The following PKD1L1 variants were observed in gnomAD, a reference collection of about 807,000 sequenced individuals.
The protein encoded by PKD1L1 is polycystin-1-like protein 1.
PKD1L1 carries 236 observed loss-of-function variants against 323.4 expected under a neutral mutation model. That is an observed-to-expected ratio of 0.73 (90% CI 0.66 to 0.81). The LOEUF (loss-of-function observed/expected upper bound fraction) is 0.81, where lower values mean the gene tolerates loss of function less well. Among genes scored for constraint, PKD1L1 ranks in the 40% least tolerant of loss-of-function variants. The pLI is 0.00. For missense variants in PKD1L1, 3,320 were observed against 3,508.0 expected, an observed-to-expected ratio of 0.95 and a Z score of 1.35; for synonymous variants, 1,344 against 1,335.0, an observed-to-expected ratio of 1.01 and a Z score of -0.15.
intron 56 of PKD1L1, among the ~76,000 whole-genome samples, chr7:47,792,047 C>T (rs1786962144): frequency 6.6e-6 from 1 of 152,206 alleles, no homozygotes; most frequent in Admixed American, 6.5e-5. Context: ...ACAAAGACGG[C>T]TTCCTGCACG....
chr7:47,879,897 C>T (rs1786498753), intron 21 of PKD1L1, among the ~76,000 whole-genome samples: 1 of 150,146 alleles, frequency 6.7e-6, no homozygotes, highest in South Asian at 2.1e-4. Flanking sequence ...CGGGCCACTG[C>T]ACTCTAGCCT....
At position 47,905,275 on chromosome 7, in the gene PKD1L1, T is replaced by C; in HGVS notation, c.1573A>G (p.Thr525Ala). Reference sequence around the variant, plus strand: ...GTTTCCTTGGTAACAGCTGTAAATGTAATGTCTGTGTCTGTGGCAAACACA... The same window carrying C: ...GTTTCCTTGGTAACAGCTGTAAATGCAATGTCTGTGTCTGTGGCAAACACA... ...GTVFATDTDI[T>A]FTAVTKETIP... The change falls in exon 11 of 57, where the codon ACA becomes GCA. Residue 525 changes from threonine (T) to alanine (A), a missense_variant. Transcript: ENST00000289672. 6.2e-7 allele frequency: 1 copy of C among 1,614,224 alleles called. No individual in the cohort carries two copies. The highest frequency in any genetic ancestry group is 8.5e-7 in the Non-Finnish European group (1 of 1,180,024).
At position 47,794,214 on chromosome 7, in the gene PKD1L1, A is replaced by C. The variant is rs568524568; in HGVS notation, c.8356-1417T>G. On this transcript the variant is annotated intron_variant, in intron 55 of 56. Transcript: ENST00000289672. ...AATGTTAATCCCCAAGGCCATGGGG[A>C]AAATGTCGCCAAGTCATGTCAGAGA... Among the ~76,000 whole-genome samples the C allele has an allele frequency of 3.9e-5, 6 of 152,326 alleles. No individual in the cohort carries two copies. The South Asian group carries it at 1.0e-3, about 26-fold the overall frequency.
intron 15 of PKD1L1, 143 bp downstream of exon 15, chr7:47,893,735 T>C (rs1786872952): frequency 5.0e-6 from 4 of 800,660 alleles, no homozygotes; most frequent in East Asian, 5.5e-5. Context: ...TTATATTTTG[T>C]TCCTAAATAA....
At chr7:47,864,492 T>C (rs1042266080) in intron 26 of PKD1L1, among the ~76,000 whole-genome samples, 11 of 152,204 alleles carry the variant, frequency 7.2e-5, no homozygotes, top group African/African-American at 2.7e-4. Flanking sequence ...AAATTATTCA[T>C]AGCATGGATA....
intron 56 of PKD1L1, 85 bp from the exon 57 acceptor site, chr7:47,775,251 G>C: frequency 6.5e-7 from 1 of 1,533,754 alleles, no homozygotes; most frequent in East Asian, 2.3e-5. Flanking sequence ...GGCAGCAAGT[G>C]CTGATCAGAC....
chr7:47,926,967 G>A (rs1183013108), intron 7 of PKD1L1, among the ~76,000 whole-genome samples: 1 of 152,248 alleles, frequency 6.6e-6, no homozygotes, highest in Non-Finnish European at 1.5e-5. Flanking sequence ...AGCCAAATGG[G>A]TGGCCATTCA....
At position 47,858,855 on chromosome 7, in the gene PKD1L1, T is replaced by G; in HGVS notation, c.4180A>C (p.Lys1394Gln). 1 of 1,613,780 alleles carries G rather than the reference T, an allele frequency of 6.2e-7. No homozygotes were observed. The highest frequency in any genetic ancestry group is 8.5e-7 in the Non-Finnish European group (1 of 1,179,964). The change falls in exon 27 of 57, where the codon AAG becomes CAG. Residue 1394 changes from lysine to glutamine, a missense_variant. Coordinates refer to ENST00000289672, the MANE Select transcript of PKD1L1 (RefSeq NM_138295.5). The part of the protein sequence containing the change: ...LGFMSAVLIL[K>Q]YTRALLAQGQ... ...TGAGCAAGGAGTGCCCGGGTGTACTTGAGGATGAGAACCGCACTCATAAAG... is the reference window on the plus strand; with the variant it reads ...TGAGCAAGGAGTGCCCGGGTGTACTGGAGGATGAGAACCGCACTCATAAAG...
rs1292586919 is a variant in PKD1L1, at chr7:47,890,754, C to T, written c.2463G>A (p.Trp821Ter). Residue 821 changes from tryptophan (W) to a stop codon, truncating the protein, a stop_gained, in exon 16 of 57, where the codon TGG (tryptophan) becomes TGA (stop). Coordinates refer to ENST00000289672, the MANE Select transcript of PKD1L1 (RefSeq NM_138295.5). LOFTEE classifies it high-confidence loss of function. ...DDPGATLRYH[W>*]ECATAGSPAH... ...CTGGGGAGCCAGCGGTGGCGCATTC[C>T]CAGTGATACCTGTTGGAGAAGTCAT... The T allele has an allele frequency of 1.9e-6, 3 of 1,612,244 alleles. No individual in the cohort carries two copies. The South Asian group carries it at 3.3e-5, about 18-fold the overall frequency.
intron 7 of PKD1L1, among the ~76,000 whole-genome samples, chr7:47,926,484 G>T (rs981917187): frequency 4.6e-5 from 7 of 152,020 alleles, no homozygotes; most frequent in African/African-American, 1.7e-4. Flanking sequence ...GACCACCTTG[G>T]GCACAAGTTC....
chr7:47,782,241 T>C (rs1383141946), intron 56 of PKD1L1, among the ~76,000 whole-genome samples: 2 of 152,220 alleles, frequency 1.3e-5, no homozygotes, highest in African/African-American at 4.8e-5. Context: ...CAGGGTGTTG[T>C]AGGTCCTTCA....
intron 23 of PKD1L1, among the ~76,000 whole-genome samples, chr7:47,874,805 GA>G (rs1786367682): frequency 6.6e-6 from 1 of 152,180 alleles, no homozygotes. Flanking sequence ...GATGGGACAA[GA>G]AAAGGTATGT....
chr7:47,861,010 C>T (rs189362261), intron 26 of PKD1L1, among the ~76,000 whole-genome samples: 1 of 152,324 alleles, frequency 6.6e-6, no homozygotes, highest in East Asian at 1.9e-4. Context: ...CATACCTTCT[C>T]CATGTGCTAT....
chr7:47,890,803 G>T, intron 15 of PKD1L1, 40 bp from the exon 16 acceptor site: 1 of 1,577,836 alleles, frequency 6.3e-7, no homozygotes, highest in Non-Finnish European at 8.7e-7. Context: ...GGGAGCATCA[G>T]GCAGAGTCAG....
intron 26 of PKD1L1, among the ~76,000 whole-genome samples, 165 bp from the exon 27 acceptor site, chr7:47,859,050 T>C (rs952519303): frequency 1.3e-5 from 2 of 152,246 alleles, no homozygotes; most frequent in Non-Finnish European, 1.5e-5. Context: ...GCCTTTTTCA[T>C]TATTATAAGG....
intron 17 of PKD1L1, among the ~76,000 whole-genome samples, chr7:47,887,275 G>A (rs1381786859): frequency 6.6e-6 from 1 of 152,182 alleles, no homozygotes; most frequent in African/African-American, 2.4e-5. Flanking sequence ...GAAGGTCAGC[G>A]GGGGCTTGGC....
At chr7:47,872,367 T>A (rs1240761618) in intron 24 of PKD1L1, among the ~76,000 whole-genome samples, 2 of 133,398 alleles carry the variant, frequency 1.5e-5, no homozygotes, top group African/African-American at 6.1e-5. Flanking sequence ...GTTAGTGGGC[T>A]CAGGTTTTTC....
At chr7:47,887,305 C>T (rs752275046) in intron 17 of PKD1L1, among the ~76,000 whole-genome samples, 13 of 152,198 alleles carry the variant, frequency 8.5e-5, no homozygotes, top group Non-Finnish European at 1.8e-4. Flanking sequence ...GTTGTAGGAG[C>T]TGGCTCTCCA....
At position 47,877,388 on chromosome 7, in the gene PKD1L1, G is replaced by A. The variant is rs563984204; in HGVS notation, c.3663+101C>T. 2.6e-5 allele frequency: 38 copies of A among 1,472,248 alleles called. No homozygotes were observed. The East Asian group carries it at 7.6e-4, about 29-fold the overall frequency. 91.2% of individuals were successfully genotyped at this position (1,472,248 alleles called of 1,614,324 possible). A position where few individuals can be genotyped will look rare whatever the true frequency, so the allele number is the denominator to read the frequency against. On this transcript the variant is annotated intron_variant, in intron 22 of 56. Coordinates refer to ENST00000289672, the MANE Select transcript of PKD1L1 (RefSeq NM_138295.5). ...GCAGGCTGAAATCCTTCACAGGTGGGAAGGACATTGCTGTCCATTCCTACA... is the reference window on the plus strand; with the variant it reads ...GCAGGCTGAAATCCTTCACAGGTGGAAAGGACATTGCTGTCCATTCCTACA...
Sources: allele counts gnomAD v4.1 joint callset (sites outside exome capture counted in the v4.1 genomes callset), GRCh38; gene constraint gnomAD v4.1.1; transcripts MANE v1.5; gene names NCBI Gene and HGNC (gene_info 2026-07-23, HGNC 2026-07-21).